PDSS2: variants seen among roughly 807,000 people sequenced by gnomAD.
The protein encoded by PDSS2 is all trans-polyprenyl-diphosphate synthase PDSS2.
A neutral mutation model predicts 44.5 loss-of-function variants in PDSS2; 31 were observed. The observed-to-expected ratio is 0.70, with a 90% confidence interval of 0.52 to 0.94. The LOEUF is 0.94. Among genes scored for constraint, PDSS2 ranks in the 40% least tolerant of loss-of-function variants. PDSS2 has a pLI of 0.00. For synonymous variants in PDSS2, 157 were observed against 180.3 expected, an observed-to-expected ratio of 0.87 and a Z score of 1.03; for missense variants, 452 against 482.2, an observed-to-expected ratio of 0.94 and a Z score of 0.59.
intron 4 of PDSS2, among the ~76,000 whole-genome samples, chr6:107,237,320 T>C (rs749317226): frequency 1.3e-5 from 2 of 151,984 alleles, no homozygotes; most frequent in Non-Finnish European, 2.9e-5. Context: ...CTTGGCTCAG[T>C]GCAACCTCCA....
chr6:107,198,883 C>T lies in PDSS2; in HGVS notation c.1009-5029G>A, dbSNP rs187298897. ...TGGTGGCGCGCACCTGTAATCCCAG[C>T]TACTTAGGAGGCTGAGGTGGGCAAA... is the stretch of plus-strand genomic sequence containing the variant. On this transcript the variant is annotated intron_variant, in intron 6 of 7. Coordinates refer to ENST00000369037, the MANE Select transcript of PDSS2 (RefSeq NM_020381.4). Among the ~76,000 whole-genome samples, 427 of 152,226 alleles carry T rather than the reference C, an allele frequency of 2.8e-3. 1 individual carries two copies. The highest frequency in any genetic ancestry group is 0.012 in the East Asian group (61 of 5,182).
intron 1 of PDSS2, among the ~76,000 whole-genome samples, chr6:107,351,302 A>C (rs2115335338): frequency 6.6e-6 from 1 of 152,342 alleles, no homozygotes; most frequent in South Asian, 2.1e-4. Context: ...TTTGTTAACA[A>C]ATACAGCTGT....
chr6:107,427,986 T>A (rs9400116), intron 1 of PDSS2, among the ~76,000 whole-genome samples: 17,958 of 152,222 alleles, frequency 0.12, 1,358 homozygotes, highest in East Asian at 0.24. Flanking sequence ...TCACATTTTT[T>A]ACAGAGGTTG....
In PDSS2 at chr6:107,261,254, A is replaced by G. The variant is rs142281878; in HGVS notation, c.630+12775T>C. 1.3e-4 allele frequency among the ~76,000 whole-genome samples: 20 copies of G among 152,284 alleles called. No individual in the cohort carries two copies. The East Asian group carries it at 3.5e-3, about 26-fold the overall frequency. On this transcript the variant is annotated intron_variant, in intron 3 of 7. Coordinates refer to ENST00000369037, the MANE Select transcript of PDSS2 (RefSeq NM_020381.4). The stretch of plus-strand genomic sequence containing the variant: ...ATCTCATGTTGAATTGTAAACCCCA[A>G]TGCAGGAGGTGGGGCTGGTGGGATG...
intron 1 of PDSS2, among the ~76,000 whole-genome samples, chr6:107,391,465 AAT>A (rs1172179088): frequency 1.4e-5 from 2 of 147,684 alleles, no homozygotes; most frequent in African/African-American, 4.9e-5. Context: ...TGCTGCCAGA[AAT>A]AGTTTCTATT....
At chr6:107,363,215 T>C (rs1206654565) in intron 1 of PDSS2, among the ~76,000 whole-genome samples, 2 of 152,222 alleles carry the variant, frequency 1.3e-5, no homozygotes. Context: ...AATACAGAGA[T>C]ATACACATAG....
chr6:107,392,928 G>A (rs1191572004), intron 1 of PDSS2, among the ~76,000 whole-genome samples: 2 of 151,868 alleles, frequency 1.3e-5, no homozygotes, highest in Admixed American at 1.3e-4. Flanking sequence ...TACCAAACTG[G>A]GGACTGTCCA....
intron 7 of PDSS2, among the ~76,000 whole-genome samples, chr6:107,160,520 ATT>A (rs36012114): frequency 0.31 from 46,284 of 149,316 alleles, 7,602 homozygotes; most frequent in Non-Finnish European, 0.37. Context: ...GCTAATTTAA[ATT>A]TTTTTTTTTT....
chr6:107,451,007 T>C (rs1781849108), intron 1 of PDSS2, among the ~76,000 whole-genome samples: 3 of 152,290 alleles, frequency 2.0e-5, no homozygotes, highest in South Asian at 4.1e-4. Flanking sequence ...ATTTTTTATA[T>C]ATTTTGTAGA....
intron 7 of PDSS2, among the ~76,000 whole-genome samples, chr6:107,178,856 T>TA (rs897975539): frequency 5.9e-5 from 9 of 151,924 alleles, no homozygotes; most frequent in African/African-American, 1.9e-4. Context: ...CCCTGTCTCT[T>TA]AAAAAAAACA....
At chr6:107,248,009 C>T (rs911531152) in intron 3 of PDSS2, among the ~76,000 whole-genome samples, 16 of 150,966 alleles carry the variant, frequency 1.1e-4, no homozygotes, top group Non-Finnish European at 1.9e-4. Context: ...GCGACAAGAG[C>T]GAAACTCCAT....
chr6:107,154,269 G>A lies in PDSS2; in HGVS notation c.*350C>T, dbSNP rs1770805702. The A allele has an allele frequency of 3.1e-6, 1 of 324,850 alleles. No homozygotes were observed. Among genetic ancestry groups the A allele is most frequent in the South Asian group, 2.8e-5 (1 of 36,100 alleles). 20.1% of individuals were successfully genotyped at this position (324,850 alleles called of 1,614,324 possible). A position where few individuals can be genotyped will look rare whatever the true frequency, so the allele number is the denominator to read the frequency against. On this transcript the variant is annotated 3_prime_UTR_variant, in exon 8 of 8. Transcript: ENST00000369037. ...CAACTTGCTTTGTCCTCTCTAGCAGGAAAAACCACAGGCCACCGCCCTGGC... is the reference window on the plus strand; with the variant it reads ...CAACTTGCTTTGTCCTCTCTAGCAGAAAAAACCACAGGCCACCGCCCTGGC...
intron 7 of PDSS2, among the ~76,000 whole-genome samples, chr6:107,169,892 G>A (rs1490473221): frequency 1.3e-5 from 2 of 152,146 alleles, no homozygotes; most frequent in African/African-American, 4.8e-5. Context: ...GCCCCTACTG[G>A]GGGATGCCTC....
intron 1 of PDSS2, among the ~76,000 whole-genome samples, chr6:107,452,935 G>C (rs1313902867): frequency 6.6e-6 from 1 of 152,218 alleles, no homozygotes; most frequent in African/African-American, 2.4e-5. Flanking sequence ...AAAATGCTGG[G>C]ATTACAGGCG....
chr6:107,352,639 T>G (rs1254632566), intron 1 of PDSS2, among the ~76,000 whole-genome samples: 1 of 152,182 alleles, frequency 6.6e-6, no homozygotes, highest in East Asian at 1.9e-4. Context: ...AGAGGTGATG[T>G]ACAAACTATT....
At chr6:107,164,834 T>C (rs1771282612) in intron 7 of PDSS2, among the ~76,000 whole-genome samples, 1 of 152,212 alleles carries the variant, frequency 6.6e-6, no homozygotes, top group Non-Finnish European at 1.5e-5. Flanking sequence ...ACCTGTTGTT[T>C]CCTGACTTCT....
In PDSS2 at chr6:107,154,609, T is replaced by G. The variant is rs199656512; in HGVS notation, c.*10A>C. ...CAGCTAACTAACAATAGTGTCTTTT[T>G]AATTTGATGTCATGAAAATCTGGTC... On this transcript the variant is annotated 3_prime_UTR_variant, in exon 8 of 8. Coordinates refer to ENST00000369037, the MANE Select transcript of PDSS2 (RefSeq NM_020381.4). The G allele has an allele frequency of 3.7e-6, 6 of 1,613,880 alleles. No homozygotes were observed. Among genetic ancestry groups the G allele is most frequent in the Middle Eastern group, 1.6e-4 (1 of 6,062 alleles).
At chr6:107,363,767 C>A (rs1028051996) in intron 1 of PDSS2, among the ~76,000 whole-genome samples, 1 of 152,100 alleles carries the variant, frequency 6.6e-6, no homozygotes, top group Non-Finnish European at 1.5e-5. Context: ...TTTGTCAGGG[C>A]GCTGATTGGT....
intron 2 of PDSS2, among the ~76,000 whole-genome samples, chr6:107,275,032 T>C (rs369043626): frequency 2.6e-5 from 4 of 152,150 alleles, no homozygotes; most frequent in Non-Finnish European, 5.9e-5. Context: ...GAATACAATA[T>C]GGTTTCTTCC....
Sources: allele counts gnomAD v4.1 joint callset (sites outside exome capture counted in the v4.1 genomes callset), GRCh38; gene constraint gnomAD v4.1.1; transcripts MANE v1.5; gene names NCBI Gene and HGNC (gene_info 2026-07-23, HGNC 2026-07-21).